NRG1: variants seen among roughly 807,000 people sequenced by gnomAD.
NRG1 encodes the protein neuregulin 1.
NRG1 carries 18 observed loss-of-function variants against 63.8 expected under a neutral mutation model. The ratio of observed to expected loss-of-function variants is 0.28; its 90% confidence interval spans 0.19 to 0.42. NRG1 has a LOEUF of 0.42. NRG1 is among the 10% of genes least tolerant of loss of function. The probability of loss-of-function intolerance (pLI) is 1.00; values close to 1 mark genes in which losing one functional copy is unlikely to be tolerated. For missense variants in NRG1, 762 were observed against 814.7 expected (o/e 0.94, Z 0.79); for synonymous variants, 302 against 301.3 (o/e 1.00, Z -0.02).
intron 1 of NRG1, among the ~76,000 whole-genome samples, chr8:31,697,493 C>A (rs1810192803): frequency 6.6e-6 from 1 of 152,088 alleles, no homozygotes; most frequent in South Asian, 2.1e-4. Context: ...CTTCCCTATG[C>A]CATCTATCCA....
chr8:31,817,027 A>G (rs1426633676), intron 1 of NRG1, among the ~76,000 whole-genome samples: 1 of 152,214 alleles, frequency 6.6e-6, no homozygotes, highest in African/African-American at 2.4e-5. Context: ...TATAAAAAAA[A>G]ATTCTCTAAG....
At chr8:32,635,495 C>A (rs966158615) in intron 5 of NRG1, among the ~76,000 whole-genome samples, 2 of 152,098 alleles carry the variant, frequency 1.3e-5, no homozygotes, top group African/African-American at 4.8e-5. Context: ...GAATTACAGT[C>A]ATGCCATTTC....
Position 32,749,514 on chromosome 8 carries a change from A to G in NRG1, c.692-4858A>G, listed in dbSNP as rs778364204. 4 of 1,608,468 alleles carry G rather than the reference A, an allele frequency of 2.5e-6. No individual in the cohort carries two copies. The South Asian group carries it at 4.4e-5, about 18-fold the overall frequency. ...GTGCAGTGTATTGCTCTTTTCTGAA[A>G]CTTTTTCCCTTTCTTTCTTTTTTTT... On this transcript the variant is annotated intron_variant, in intron 7 of 11. Coordinates refer to ENST00000356819, the Ensembl canonical transcript of NRG1.
intron 1 of NRG1, among the ~76,000 whole-genome samples, chr8:32,008,580 A>G (rs1814192978): frequency 6.6e-6 from 1 of 152,066 alleles, no homozygotes; most frequent in African/African-American, 2.4e-5. Flanking sequence ...GTGTTAGACA[A>G]TTAAGAAGAC....
At position 31,736,659 on chromosome 8, in the gene NRG1, AAGTATTAAAATACAAT is replaced by A. The variant is rs375773982; in HGVS notation, c.37+97231_37+97246del. Among the ~76,000 whole-genome samples, 584 of 152,120 alleles carry A rather than the reference AAGTATTAAAATACAAT, an allele frequency of 3.8e-3. 4 individuals are homozygous for A. Among genetic ancestry groups the A allele is most frequent in the African/African-American group, 0.014 (561 of 41,406 alleles). On this transcript the variant is annotated intron_variant, in intron 1 of 10. Coordinates refer to the NRG1 transcript ENST00000519301. Reference sequence around the variant, plus strand: ...AACATCTCTGAGTCTCAAATGTCTCAAGTATTAAAATACAATAGATTGAACTAGACAATTTCAAAAG... The same window carrying A: ...AACATCTCTGAGTCTCAAATGTCTCAAGATTGAACTAGACAATTTCAAAAG...
At chr8:32,634,114 A>AAAAAAAAAAAAAT (rs1373707780) in intron 5 of NRG1, among the ~76,000 whole-genome samples, 2 of 151,318 alleles carry the variant, frequency 1.3e-5, no homozygotes, top group African/African-American at 4.9e-5. Flanking sequence ...AAAAAAAAAA[A>AAAAAAAAAAAAAT]AAAAGGTTGC....
rs1416609632 is a variant in NRG1 at position 32,104,871 on chromosome 8, T to C, written c.37+465440T>C. Among the ~76,000 whole-genome samples the C allele has an allele frequency of 2.6e-5, 4 of 151,590 alleles. No individual in the cohort carries two copies. In the East Asian group the frequency reaches 5.8e-4, roughly 22 times the overall value. ...TAACAATGCCTTCTTCTGGAATTCCTCCTGAAGGACCTGCCTGAGGCTGTT... is the reference window on the plus strand; with the variant it reads ...TAACAATGCCTTCTTCTGGAATTCCCCCTGAAGGACCTGCCTGAGGCTGTT... On this transcript the variant is annotated intron_variant, in intron 1 of 10. Transcript: ENST00000519301.
chr8:31,761,945 G>A (rs1366962403), intron 1 of NRG1, among the ~76,000 whole-genome samples: 1 of 152,132 alleles, frequency 6.6e-6, no homozygotes, highest in Non-Finnish European at 1.5e-5. Flanking sequence ...CTATGTCCTT[G>A]TATGTTTCAT....
At chr8:31,908,744 A>G (rs1232828931) in intron 1 of NRG1, among the ~76,000 whole-genome samples, 2 of 152,134 alleles carry the variant, frequency 1.3e-5, no homozygotes, top group Non-Finnish European at 2.9e-5. Flanking sequence ...TACTTTTTGT[A>G]TTATATATTT....
intron 1 of NRG1, among the ~76,000 whole-genome samples, chr8:32,427,684 GA>G (rs564896076): frequency 6.6e-6 from 1 of 152,150 alleles, no homozygotes; most frequent in Non-Finnish European, 1.5e-5. Flanking sequence ...CAGTAATGAA[GA>G]AAAAAATGGG....
At chr8:31,936,035 T>C (rs1835273331) in intron 1 of NRG1, among the ~76,000 whole-genome samples, 3 of 151,946 alleles carry the variant, frequency 2.0e-5, no homozygotes, top group Non-Finnish European at 2.9e-5. Context: ...GAGGAAAGAA[T>C]GGCCAATAGA....
chr8:32,224,686 T>C (rs1375200129), intron 1 of NRG1, among the ~76,000 whole-genome samples: 1 of 152,168 alleles, frequency 6.6e-6, no homozygotes, highest in African/African-American at 2.4e-5. Context: ...AAAGGATCAC[T>C]CAAAGATGAG....
chr8:32,664,549 T>C (rs971997980), intron 5 of NRG1, among the ~76,000 whole-genome samples: 1 of 152,110 alleles, frequency 6.6e-6, no homozygotes, highest in Non-Finnish European at 1.5e-5. Context: ...TGTTCAGTGC[T>C]TTGCATGTAT....
At position 31,712,976 on chromosome 8, in the gene NRG1, TCCATCCAC is replaced by T. The variant is rs1235300501; in HGVS notation, c.37+73553_37+73560del. ...AATCAATCAGTCATCTCTCTGTCCA[TCCATCCAC>T]CCATCCATCCATCCATCCATCCATC... On this transcript the variant is annotated intron_variant, in intron 1 of 10. Coordinates refer to the NRG1 transcript ENST00000519301. Among the ~76,000 whole-genome samples, 182 of 83,726 alleles carry T rather than the reference TCCATCCAC, an allele frequency of 2.2e-3. 1 individual carries two copies. The highest frequency in any genetic ancestry group is 0.02 in the Middle Eastern group (3 of 152). The allele number at this position is 83,726 out of a possible 152,430, so 54.9% of individuals were successfully genotyped here.
At chr8:32,151,577 G>A (rs1366852437) in intron 1 of NRG1, among the ~76,000 whole-genome samples, 3 of 152,110 alleles carry the variant, frequency 2.0e-5, no homozygotes, top group Non-Finnish European at 4.4e-5. Flanking sequence ...AAACTTGAGT[G>A]GTGAACGGGA....
intron 5 of NRG1, among the ~76,000 whole-genome samples, chr8:32,699,002 G>GA (rs1486365801): frequency 1.1e-4 from 16 of 152,082 alleles, no homozygotes; most frequent in African/African-American, 3.6e-4. Context: ...AACCTTCCTG[G>GA]AAAAAAATTC....
intron 1 of NRG1, among the ~76,000 whole-genome samples, chr8:32,540,059 G>A (rs1400708222): frequency 6.6e-6 from 1 of 152,150 alleles, no homozygotes; most frequent in African/African-American, 2.4e-5. Context: ...AGTAAAGGAA[G>A]GGTCAAAAGA....
intron 1 of NRG1, among the ~76,000 whole-genome samples, chr8:32,445,257 T>C (rs1333744664): frequency 1.3e-5 from 2 of 152,212 alleles, no homozygotes; most frequent in Non-Finnish European, 2.9e-5. Flanking sequence ...ATAAATGCTA[T>C]AGAAAGTATT....
chr8:32,168,006 A>G (rs1839582281), intron 1 of NRG1, among the ~76,000 whole-genome samples: 1 of 152,120 alleles, frequency 6.6e-6, no homozygotes, highest in Non-Finnish European at 1.5e-5. Context: ...AGTTCTCTTT[A>G]TCTAGTAATT....
Sources: allele counts gnomAD v4.1 joint callset (sites outside exome capture counted in the v4.1 genomes callset), GRCh38; gene constraint gnomAD v4.1.1; transcripts MANE v1.5; gene names NCBI Gene and HGNC (gene_info 2026-07-23, HGNC 2026-07-21).